The following POFUT3 variants were observed in gnomAD, a reference collection of about 807,000 sequenced individuals.
POFUT3 encodes GDP-fucose protein O-fucosyltransferase 3.
chr8:33,316,564 T>G, the POFUT3 span, among the ~76,000 whole-genome samples: 1 of 110,344 alleles, frequency 9.1e-6, no homozygotes, highest in African/African-American at 4.4e-5. Context: ...CTACTAAAAC[T>G]ACAAAAAAAA....
At chr8:33,362,641 C>T in the POFUT3 span, among the ~76,000 whole-genome samples, 12 of 150,894 alleles carry the variant, frequency 8.0e-5, no homozygotes, top group Admixed American at 2.6e-4. Flanking sequence ...ATAAAACAGA[C>T]TTTAAACCAA....
chr8:33,471,766 A>G, the POFUT3 span, among the ~76,000 whole-genome samples: 1 of 152,200 alleles, frequency 6.6e-6, no homozygotes, highest in East Asian at 1.9e-4. Flanking sequence ...AGCAATAACA[A>G]CACAGTAAAA....
At chr8:33,436,199 C>A in the POFUT3 span, 1 of 1,272,664 alleles carries the variant, frequency 7.9e-7, no homozygotes, top group Non-Finnish European at 1.1e-6. Context: ...TGCACCAAGC[C>A]GAGAACGTCC....
chr8:33,360,877 T>C, the POFUT3 span: 6 of 152,162 alleles, frequency 3.9e-5, no homozygotes, highest in Non-Finnish European at 2.9e-5. Flanking sequence ...TTTAATTTTA[T>C]TGCGGAAGTG....
chr8:33,372,755 G>A, the POFUT3 span: 1 of 1,614,048 alleles, frequency 6.2e-7, no homozygotes, highest in Non-Finnish European at 8.5e-7. Flanking sequence ...TGTGGGCTCT[G>A]GGCAACTCAG....
chr8:33,371,088 G>C, the POFUT3 span: 1 of 151,954 alleles, frequency 6.6e-6, no homozygotes, highest in East Asian at 1.9e-4. Flanking sequence ...ATGTTACACA[G>C]GGGAAAAAAA....
the POFUT3 span, among the ~76,000 whole-genome samples, chr8:33,460,962 G>A: frequency 5.9e-5 from 9 of 152,076 alleles, no homozygotes; most frequent in Admixed American, 2.0e-4. Context: ...AGACCAGCAC[G>A]GCCAACATGG....
the POFUT3 span, among the ~76,000 whole-genome samples, chr8:33,352,609 T>C: frequency 6.6e-6 from 1 of 152,198 alleles, no homozygotes; most frequent in Non-Finnish European, 1.5e-5. Context: ...ATCTAACAGA[T>C]GGAACCAGAG....
the POFUT3 span, chr8:33,372,206 A>T: frequency 2.0e-6 from 2 of 1,004,244 alleles, no homozygotes; most frequent in Non-Finnish European, 2.4e-6. Flanking sequence ...GCCAAATACC[A>T]ATAAGCTGTT....
At chr8:33,351,853 CAA>C in the POFUT3 span, among the ~76,000 whole-genome samples, 1 of 152,058 alleles carries the variant, frequency 6.6e-6, no homozygotes, top group Admixed American at 6.6e-5. Flanking sequence ...TAAAAACTAG[CAA>C]AGTCATTAGC....
the POFUT3 span, chr8:33,452,000 T>G: frequency 2.0e-5 from 3 of 152,042 alleles, no homozygotes; most frequent in Non-Finnish European, 2.9e-5. Flanking sequence ...ATTATGGGGA[T>G]TACAATTCAA....
the POFUT3 span, among the ~76,000 whole-genome samples, chr8:33,350,877 G>A: frequency 2.3e-3 from 353 of 152,344 alleles, 1 homozygote; most frequent in African/African-American, 7.7e-3. Flanking sequence ...AATGTTAATT[G>A]TGGTGGTATA....
the POFUT3 span, chr8:33,388,907 A>G: frequency 6.0e-6 from 8 of 1,329,992 alleles, no homozygotes; most frequent in Admixed American, 3.4e-5. Flanking sequence ...GCAGGAGAGC[A>G]GAGAACATCA....
At chr8:33,412,168 T>C in the POFUT3 span, among the ~76,000 whole-genome samples, 2 of 152,186 alleles carry the variant, frequency 1.3e-5, no homozygotes, top group African/African-American at 2.4e-5. Flanking sequence ...AAATCCTCAA[T>C]GTAAGTAAAA....
chr8:33,313,915 G>A, the POFUT3 span, among the ~76,000 whole-genome samples: 1 of 152,002 alleles, frequency 6.6e-6, no homozygotes, highest in Non-Finnish European at 1.5e-5. Context: ...ACTCTGCAGA[G>A]TCTCCTCCCT....
the POFUT3 span, chr8:33,452,590 A>T: frequency 6.6e-6 from 1 of 152,134 alleles, no homozygotes; most frequent in African/African-American, 2.4e-5. Flanking sequence ...TAAACATTTA[A>T]AAAACTTTTT....
chr8:33,388,281 G>A, the POFUT3 span, among the ~76,000 whole-genome samples: 6,721 of 151,402 alleles, frequency 0.044, 460 homozygotes, highest in African/African-American at 0.15. Flanking sequence ...CCTTCGCCAC[G>A]GCATTGATGG....
chr8:33,428,630 T>A, the POFUT3 span, among the ~76,000 whole-genome samples: 1 of 151,204 alleles, frequency 6.6e-6, no homozygotes, highest in Non-Finnish European at 1.5e-5. Context: ...CCAAAAAGCA[T>A]GTGTTGGAAA....
the POFUT3 span, among the ~76,000 whole-genome samples, chr8:33,455,443 G>A: frequency 6.6e-6 from 1 of 152,136 alleles, no homozygotes; most frequent in African/African-American, 2.4e-5. Flanking sequence ...AGGATCACTT[G>A]AGTCCAGGAG....
Sources: gnomAD v4.1 joint callset for allele counts (sites outside exome capture counted in the v4.1 genomes callset) on GRCh38, gnomAD v4.1.1 for gene constraint, MANE v1.5 for transcripts, NCBI Gene and HGNC (gene_info 2026-07-23, HGNC 2026-07-21) for gene names.